Variants in SRRM3 observed in about 807,000 individuals in gnomAD.
The protein encoded by SRRM3 is serine/arginine repetitive matrix protein 3.
Under a neutral mutation model 66.2 loss-of-function variants are expected in SRRM3, and 27 were observed. That is an observed-to-expected ratio of 0.41 (90% CI 0.30 to 0.56). The LOEUF is 0.56. Ranked by LOEUF, SRRM3 falls within the 20% of genes least tolerant of loss-of-function variation. The probability of loss-of-function intolerance (pLI) is 0.32; values close to 1 mark genes in which losing one functional copy is unlikely to be tolerated. For missense variants in SRRM3, 918 were observed against 991.9 expected, an observed-to-expected ratio of 0.93 and a Z score of 1.00; for synonymous variants, 391 against 414.9, an observed-to-expected ratio of 0.94 and a Z score of 0.70.
At position 76,285,617 on chromosome 7, in the gene SRRM3, C is replaced by T; in HGVS notation, c.1736C>T (p.Ala579Val). 6.5e-7 allele frequency: 1 copy of T among 1,548,428 alleles called. No individual in the cohort carries two copies. The highest frequency in any genetic ancestry group is 8.7e-7 in the Non-Finnish European group (1 of 1,145,518). The part of the protein sequence containing the change: ...SFMEPRRITS[A>V]RKRPIPYYRP... ...AATCAGCTTTTTCTTCCCGGCAGCGCCCGCAAGCGTCCTATTCCATACTAC... is the reference window on the plus strand; with the variant it reads ...AATCAGCTTTTTCTTCCCGGCAGCGTCCGCAAGCGTCCTATTCCATACTAC... The change falls in exon 15 of 15, where the codon GCC (alanine) becomes GTC (valine). Residue 579 changes from alanine (A) to valine (V), a missense_variant and splice_region_variant. Coordinates refer to ENST00000611745, the MANE Select transcript of SRRM3 (RefSeq NM_001110199.3). The surrounding 1 kb of genome is among the most constrained non-coding windows in gnomAD (Gnocchi z 4.1).
chr7:76,210,026 G>A (rs1800391052), intron 1 of SRRM3, among the ~76,000 whole-genome samples: 1 of 152,206 alleles, frequency 6.6e-6, no homozygotes, highest in African/African-American at 2.4e-5. Context: ...GAGGCAGAGA[G>A]GGAAAGGAAG....
At chr7:76,252,189 G>T (rs1476974216) in intron 3 of SRRM3, among the ~76,000 whole-genome samples, 1 of 152,208 alleles carries the variant, frequency 6.6e-6, no homozygotes, top group Non-Finnish European at 1.5e-5. Context: ...TATCGAGTCG[G>T]AAGGGGATGA....
intron 8 of SRRM3, among the ~76,000 whole-genome samples, chr7:76,264,368 G>C (rs966371107): frequency 6.7e-6 from 1 of 149,940 alleles, no homozygotes; most frequent in African/African-American, 2.5e-5. Context: ...GTTTCTCCAT[G>C]TTGGTCAGGC....
intron 1 of SRRM3, among the ~76,000 whole-genome samples, chr7:76,212,466 T>C (rs1474708726): frequency 9.5e-6 from 1 of 105,104 alleles, no homozygotes; most frequent in Non-Finnish European, 2.1e-5. Context: ...AAGGTCTGCT[T>C]TTTTTTTTTT....
At chr7:76,249,602 T>G (rs1368943723) in intron 3 of SRRM3, among the ~76,000 whole-genome samples, 2 of 152,220 alleles carry the variant, frequency 1.3e-5, no homozygotes, top group African/African-American at 4.8e-5. Flanking sequence ...GAACAGCCTG[T>G]GCCTGGGATT....
intron 1 of SRRM3, among the ~76,000 whole-genome samples, chr7:76,221,505 G>A (rs1800720457): frequency 2.0e-5 from 3 of 151,914 alleles, no homozygotes; most frequent in Non-Finnish European, 4.4e-5. Flanking sequence ...TGGGACTACA[G>A]GCGCCCACCA....
At chr7:76,257,200 A>G (rs1554607861) in intron 3 of SRRM3, among the ~76,000 whole-genome samples, 1 of 152,012 alleles carries the variant, frequency 6.6e-6, no homozygotes, top group African/African-American at 2.4e-5. Flanking sequence ...GCCTCTGACA[A>G]ATCCAAAACT....
chr7:76,211,387 C>G (rs951952953), intron 1 of SRRM3, among the ~76,000 whole-genome samples: 4 of 61,434 alleles, frequency 6.5e-5, no homozygotes, highest in Admixed American at 2.6e-4. Flanking sequence ...AGCGAAAGCC[C>G]GGGTTGGAGA....
At position 76,286,756 on chromosome 7, in the gene SRRM3, G is replaced by C. The variant is rs1859790; in HGVS notation, c.*913G>C. The C allele has an allele frequency of 1.3e-5, 2 of 152,316 alleles. No homozygotes were observed. Among genetic ancestry groups the C allele is most frequent in the Non-Finnish European group, 2.9e-5 (2 of 68,156 alleles). 9.4% of individuals were successfully genotyped at this position (152,316 alleles called of 1,614,324 possible). A position where few individuals can be genotyped will look rare whatever the true frequency, so the allele number is the denominator to read the frequency against. ...TGTAGGAAAGAGAAAAAGCAAAGTC[G>C]TTCACTGACTGAGTAGCCCCCAGGG... On this transcript the variant is annotated 3_prime_UTR_variant, in exon 15 of 15. Transcript: ENST00000611745.
At chr7:76,223,820 G>GCCTTCCCTTCCCTTCCCTTCCCTTC (rs1238913750) in intron 1 of SRRM3, among the ~76,000 whole-genome samples, 2 of 51,632 alleles carry the variant, frequency 3.9e-5, no homozygotes, top group Admixed American at 4.6e-4. Flanking sequence ...CTTGGCTTTT[G>GCCTTCCCTTCCCTTCCCTTCCCTTC]CCTTCCCTTC....
intron 3 of SRRM3, among the ~76,000 whole-genome samples, chr7:76,252,238 A>T (rs1286648406): frequency 6.6e-6 from 1 of 152,354 alleles, no homozygotes; most frequent in Middle Eastern, 3.4e-3. Flanking sequence ...CATCTCCAGC[A>T]GGGAAGGTCA....
At chr7:76,276,623 G>C (rs1405274382) in intron 11 of SRRM3, among the ~76,000 whole-genome samples, 1 of 152,190 alleles carries the variant, frequency 6.6e-6, no homozygotes, top group Admixed American at 6.5e-5. Context: ...GCTTCCTGGA[G>C]GGGAGGTTCG....
Position 76,222,410 on chromosome 7 carries a change from C to CAA in SRRM3, c.-39-12599_-39-12598dup, listed in dbSNP as rs572163883. Among the ~76,000 whole-genome samples the CAA allele has an allele frequency of 3.3e-4, 28 of 84,390 alleles. 1 individual carries two copies. The highest frequency in any genetic ancestry group is 7.0e-4 in the South Asian group (2 of 2,846). 55.4% of individuals were successfully genotyped at this position (84,390 alleles called of 152,430 possible). ...GCCTGGGTGATAGGAGACCCCGTCT[C>CAA]AAAAAAAAAAAAAAAAAAAAGTTGC... On this transcript the variant is annotated intron_variant, in intron 1 of 14. Coordinates refer to ENST00000611745, the MANE Select transcript of SRRM3 (RefSeq NM_001110199.3).
chr7:76,255,148 C>CTTTCTTTTTTTTTTTTTTT (rs1447372520), intron 3 of SRRM3, among the ~76,000 whole-genome samples: 1 of 83,178 alleles, frequency 1.2e-5, no homozygotes, highest in South Asian at 4.4e-4. Context: ...TTCTTTCTTT[C>CTTTCTTTTTTTTTTTTTTT]TTTTTTTTTT....
At chr7:76,273,711 C>G (rs908888293) in intron 11 of SRRM3, 1 of 152,162 alleles carries the variant, frequency 6.6e-6, no homozygotes, top group East Asian at 1.9e-4. Context: ...TGGTTGGTTT[C>G]ATATTCCTCC....
intron 1 of SRRM3, among the ~76,000 whole-genome samples, chr7:76,219,144 G>A (rs1486885711): frequency 3.9e-5 from 6 of 152,136 alleles, no homozygotes; most frequent in Admixed American, 2.0e-4. Context: ...CACCATACCC[G>A]GCCTGTATTG....
At chr7:76,275,478 G>C (rs1802322052) in intron 11 of SRRM3, among the ~76,000 whole-genome samples, 2 of 138,386 alleles carry the variant, frequency 1.4e-5, no homozygotes, top group South Asian at 4.5e-4. Context: ...AACAGAGCGA[G>C]ACTCAGTCCC....
At chr7:76,250,615 T>C (rs1801556766) in intron 3 of SRRM3, among the ~76,000 whole-genome samples, 1 of 152,158 alleles carries the variant, frequency 6.6e-6, no homozygotes, top group Non-Finnish European at 1.5e-5. Context: ...GCAGACTTTC[T>C]GTATTGCTGG....
chr7:76,229,221 G>C (rs1477446284), intron 1 of SRRM3, among the ~76,000 whole-genome samples: 9 of 151,964 alleles, frequency 5.9e-5, no homozygotes, highest in African/African-American at 2.2e-4. Context: ...AGTAGATCTG[G>C]GTTGGATTCC....
Sources: allele counts gnomAD v4.1 joint callset (sites outside exome capture counted in the v4.1 genomes callset), GRCh38; gene constraint gnomAD v4.1.1; non-coding constraint Gnocchi (gnomAD v3.1); transcripts MANE v1.5; gene names NCBI Gene and HGNC (gene_info 2026-07-23, HGNC 2026-07-21).